ITPR1: variants seen among roughly 807,000 people sequenced by gnomAD.
ITPR1 encodes inositol 1,4,5-trisphosphate-gated calcium channel ITPR1.
Under a neutral mutation model 318.4 loss-of-function variants are expected in ITPR1, and 96 were observed. The observed-to-expected ratio is 0.30, with a 90% CI of 0.26 to 0.36. The LOEUF (loss-of-function observed/expected upper bound fraction) is 0.36, where lower values mean the gene tolerates loss of function less well. ITPR1 is among the 10% of genes least tolerant of loss of function. The pLI is 1.00. For missense variants in ITPR1, 2,440 were observed against 3,460.2 expected, an observed-to-expected ratio of 0.71 and a Z score of 7.40; for synonymous variants, 1,312 against 1,289.9, an observed-to-expected ratio of 1.02 and a Z score of -0.37.
chr3:4,603,567 C>T (rs1471641897), intron 4 of ITPR1, among the ~76,000 whole-genome samples: 3 of 152,056 alleles, frequency 2.0e-5, no homozygotes, highest in South Asian at 4.1e-4. Flanking sequence ...GTAGCTGGGA[C>T]TACAGGGGCG....
At chr3:4,701,350 C>T (rs914909537) in intron 35 of ITPR1, among the ~76,000 whole-genome samples, 3 of 152,162 alleles carry the variant, frequency 2.0e-5, no homozygotes, top group African/African-American at 7.2e-5. Context: ...TAGCACAGAG[C>T]CTGGCATGTA....
At chr3:4,704,140 C>T (rs2094709820) in intron 36 of ITPR1, among the ~76,000 whole-genome samples, 1 of 152,152 alleles carries the variant, frequency 6.6e-6, no homozygotes, top group South Asian at 2.1e-4. Flanking sequence ...AGGCCGGGCG[C>T]AGTGGCTCAT....
At chr3:4,605,555 A>G (rs1260061803) in intron 4 of ITPR1, among the ~76,000 whole-genome samples, 1 of 152,182 alleles carries the variant, frequency 6.6e-6, no homozygotes, top group Non-Finnish European at 1.5e-5. Context: ...CGGGCATGAT[A>G]TATGTGACTA....
chr3:4,734,975 G>A (rs2043171610), intron 43 of ITPR1, among the ~76,000 whole-genome samples, 189 bp from the exon 44 acceptor site: 2 of 152,194 alleles, frequency 1.3e-5, no homozygotes, highest in Admixed American at 1.3e-4. Flanking sequence ...GACAAGCTGG[G>A]TGTCCTTAGG....
chr3:4,586,134 A>G (rs893160646), intron 4 of ITPR1, among the ~76,000 whole-genome samples: 6 of 152,288 alleles, frequency 3.9e-5, no homozygotes, highest in Admixed American at 6.5e-5. Context: ...TCCATGGTGT[A>G]TATGTGCCAC....
chr3:4,541,653 G>A (rs547284784), intron 4 of ITPR1, among the ~76,000 whole-genome samples: 1 of 151,376 alleles, frequency 6.6e-6, no homozygotes, highest in Non-Finnish European at 1.5e-5. Flanking sequence ...TTGAGATGGA[G>A]TCTCACTCTG....
chr3:4,721,827 C>G (rs2042184494), intron 40 of ITPR1, among the ~76,000 whole-genome samples: 1 of 152,180 alleles, frequency 6.6e-6, no homozygotes, highest in Admixed American at 6.5e-5. Context: ...CTGTGCTGGT[C>G]TGTGATAGGC....
rs2094277593 is a variant in ITPR1 at position 4,680,541 on chromosome 3, T to C, written c.2968-12T>C. The C allele has an allele frequency of 3.1e-6, 5 of 1,612,310 alleles. No homozygotes were observed. The highest frequency in any genetic ancestry group is 4.2e-6 in the Non-Finnish European group (5 of 1,178,634). On this transcript the variant is annotated splice_polypyrimidine_tract_variant and intron_variant, in intron 24 of 61. Transcript: ENST00000649015. ...GTAACCAATCTGTTTCCATTTCCAC[T>C]TGAATCTTTAGTTTATTTTGAATGT...
At chr3:4,665,973 G>C (rs527951246) in intron 17 of ITPR1, among the ~76,000 whole-genome samples, 24 of 152,218 alleles carry the variant, frequency 1.6e-4, no homozygotes, top group African/African-American at 5.8e-4. Flanking sequence ...TAACTTCATG[G>C]TGCTGCTGGC....
At chr3:4,563,631 A>C (rs78667305) in intron 4 of ITPR1, among the ~76,000 whole-genome samples, 2 of 152,182 alleles carry the variant, frequency 1.3e-5, no homozygotes, top group Non-Finnish European at 2.9e-5. Flanking sequence ...GAAATTGCAG[A>C]GTACGTGTTT....
rs1404423428 is a variant in ITPR1, at chr3:4,727,029, T to C, written c.5173-97T>C. On this transcript the variant is annotated intron_variant, in intron 41 of 61. Coordinates refer to ENST00000649015, the MANE Select transcript of ITPR1 (RefSeq NM_001378452.1). Reference sequence around the variant, plus strand: ...TCTCCTTTTGTGTAACTCTTGTCTATATATGAACTCTCAATGTATTTTATA... The same window carrying C: ...TCTCCTTTTGTGTAACTCTTGTCTACATATGAACTCTCAATGTATTTTATA... The C allele has an allele frequency of 1.0e-5, 10 of 995,128 alleles. No individual in the cohort carries two copies. In the Admixed American group the frequency reaches 1.5e-4, roughly 15 times the overall value. 61.6% of individuals were successfully genotyped at this position (995,128 alleles called of 1,614,324 possible).
chr3:4,580,826 C>T (rs1258194668), intron 4 of ITPR1, among the ~76,000 whole-genome samples: 3 of 151,186 alleles, frequency 2.0e-5, no homozygotes, highest in Non-Finnish European at 2.9e-5. Flanking sequence ...AAGAGGGATA[C>T]AGTGGGCACA....
At chr3:4,813,352 G>C (rs1197554616) in intron 57 of ITPR1, 118 bp downstream of exon 57, 1 of 668,442 alleles carries the variant, frequency 1.5e-6, no homozygotes, top group African/African-American at 1.8e-5. Context: ...CTATAGCAAA[G>C]GGGAAAGGCT....
At chr3:4,689,835 ACTT>A (rs2094453009) in intron 31 of ITPR1, among the ~76,000 whole-genome samples, 2 of 152,338 alleles carry the variant, frequency 1.3e-5, no homozygotes, top group South Asian at 4.1e-4. Flanking sequence ...TCTTTTAAGA[ACTT>A]CTGTTTGTCC....
intron 60 of ITPR1, among the ~76,000 whole-genome samples, chr3:4,827,223 C>G (rs115921917): frequency 0.014 from 2,129 of 152,326 alleles, 20 homozygotes; most frequent in Non-Finnish European, 0.022. Flanking sequence ...TGCTGCCCGG[C>G]TTGCCCTTTA....
chr3:4,533,346 T>A (rs61268840), intron 4 of ITPR1, among the ~76,000 whole-genome samples: 8,401 of 152,214 alleles, frequency 0.055, 517 homozygotes, highest in African/African-American at 0.15. Flanking sequence ...GAGTCAGTCA[T>A]GGGTTCAAGT....
At chr3:4,607,953 C>T (rs188186781) in intron 4 of ITPR1, among the ~76,000 whole-genome samples, 2 of 152,206 alleles carry the variant, frequency 1.3e-5, no homozygotes, top group South Asian at 2.1e-4. Flanking sequence ...AATTCAGGCT[C>T]GTCCATCTGC....
At chr3:4,620,373 G>A (rs753934467) in intron 4 of ITPR1, among the ~76,000 whole-genome samples, 11 of 152,188 alleles carry the variant, frequency 7.2e-5, no homozygotes, top group Non-Finnish European at 1.5e-4. Context: ...TATATGGGGT[G>A]GGTGGACACA....
rs1223337127 is a variant in ITPR1 at position 4,702,854 on chromosome 3, C to G, written c.4561C>G (p.Leu1521Val). 1 of 1,613,790 alleles carries G rather than the reference C, an allele frequency of 6.2e-7. No individual in the cohort carries two copies. The highest frequency in any genetic ancestry group is 1.3e-5 in the African/African-American group (1 of 74,942). Residue 1521 changes from leucine (L) to valine (V), a missense_variant, in exon 36 of 62, where the codon CTG becomes GTG. Physicochemically the swap from Leu to Val is conservative, Grantham distance 32 (BLOSUM62 1). Transcript: ENST00000649015. ...GACTCGCCAGCCTGTCTTTGTGCAACTGCTGCAAGGCGTGTTCAGGGTTTA... is the reference window on the plus strand; with the variant it reads ...GACTCGCCAGCCTGTCTTTGTGCAAGTGCTGCAAGGCGTGTTCAGGGTTTA... ...LQTRQPVFVQ[L>V]LQGVFRVYHC...
Sources: allele counts gnomAD v4.1 joint callset (sites outside exome capture counted in the v4.1 genomes callset), GRCh38; gene constraint gnomAD v4.1.1; transcripts MANE v1.5; gene names NCBI Gene and HGNC (gene_info 2026-07-23, HGNC 2026-07-21).